SLC7A2: variants seen among roughly 807,000 people sequenced by gnomAD.
SLC7A2 encodes the protein solute carrier family 7 member 2.
SLC7A2 carries 48 observed loss-of-function variants against 58.9 expected under a neutral mutation model. The observed-to-expected ratio is 0.82, with a 90% CI of 0.65 to 1.04. The LOEUF is 1.04. SLC7A2 is among the 50% of genes least tolerant of loss of function. The pLI, the probability that SLC7A2 is intolerant of heterozygous loss-of-function variation, is 0.00. For synonymous variants in SLC7A2, 363 were observed against 314.5 expected (o/e 1.15, Z -1.63); for missense variants, 1,029 against 818.8 (o/e 1.26, Z -3.13).
intron 2 of SLC7A2, among the ~76,000 whole-genome samples, chr8:17,514,189 G>C (rs1003300270): frequency 3.9e-5 from 6 of 151,906 alleles, no homozygotes; most frequent in Non-Finnish European, 5.9e-5. Context: ...GTAAGTAACA[G>C]ACATGAATGA....
intron 2 of SLC7A2, among the ~76,000 whole-genome samples, chr8:17,530,885 A>G (rs1801424590): frequency 6.6e-6 from 1 of 152,170 alleles, no homozygotes; most frequent in South Asian, 2.1e-4. Context: ...AAGTAGATTC[A>G]AAGCCTTAAA....
At chr8:17,494,077 C>G (rs545201800), upstream of SLC7A2, among the ~76,000 whole-genome samples, 3 of 152,304 alleles carry the variant, frequency 2.0e-5, no homozygotes, top group East Asian at 1.9e-4. Flanking sequence ...GCATTAGTAT[C>G]CAGTATCCAA....
chr8:17,561,875 C>A, intron 10 of SLC7A2, 69 bp from the exon 11 acceptor site: 1 of 1,440,844 alleles, frequency 6.9e-7, no homozygotes, highest in Non-Finnish European at 9.6e-7. Context: ...TCAGAATATG[C>A]TGTTTTGCAC....
chr8:17,515,716 G>C (rs1348465777), intron 2 of SLC7A2, among the ~76,000 whole-genome samples: 1 of 152,058 alleles, frequency 6.6e-6, no homozygotes, highest in Non-Finnish European at 1.5e-5. Context: ...GAGAACCATG[G>C]GCTAAGCCTT....
intron 2 of SLC7A2, among the ~76,000 whole-genome samples, chr8:17,537,695 G>A (rs885642): frequency 0.13 from 20,271 of 152,116 alleles, 1,838 homozygotes; most frequent in Non-Finnish European, 0.2. Flanking sequence ...GCAGCTTGGG[G>A]AGAGGGAACA....
intron 5 of SLC7A2, 115 bp from the exon 6 acceptor site, chr8:17,550,186 A>T: frequency 1.1e-6 from 1 of 933,072 alleles, no homozygotes; most frequent in South Asian, 1.6e-5. Context: ...TATGTATATC[A>T]TCTTCAAAGA....
At chr8:17,517,705 G>C (rs1800857308) in intron 2 of SLC7A2, among the ~76,000 whole-genome samples, 1 of 152,004 alleles carries the variant, frequency 6.6e-6, no homozygotes, top group Admixed American at 6.6e-5. Context: ...AATAGTTCAT[G>C]AATTTGAAAA....
In SLC7A2 at chr8:17,562,106, T is replaced by C. The variant is rs1803030335; in HGVS notation, c.1667T>C (p.Phe556Ser). The C allele has an allele frequency of 1.9e-6, 3 of 1,611,544 alleles. No individual in the cohort carries two copies. Among genetic ancestry groups the C allele is most frequent in the Non-Finnish European group, 2.5e-6 (3 of 1,179,196 alleles). The change falls in exon 11 of 13, where the codon TTC becomes TCC. Residue 556 changes from phenylalanine to serine, a missense_variant. By Grantham distance (155) the Phe-to-Ser change is radical. Transcript: ENST00000494857. ...RQPQNQQKVA[F>S]MVPFLPFLPA... is the part of the protein sequence containing the mutation. ...CCCCAGAATCAGCAAAAAGTAGCCT[T>C]CATGGTATGTGTAATGAGGATTAGA... is the stretch of plus-strand genomic sequence containing the variant.
At chr8:17,559,701 G>A (rs1054971197) in intron 9 of SLC7A2, among the ~76,000 whole-genome samples, 1 of 152,222 alleles carries the variant, frequency 6.6e-6, no homozygotes, top group Non-Finnish European at 1.5e-5. Flanking sequence ...CACGGCACGT[G>A]GGGATTATGG....
chr8:17,535,094 C>G (rs2588233), intron 2 of SLC7A2, among the ~76,000 whole-genome samples: 1 of 151,918 alleles, frequency 6.6e-6, no homozygotes, highest in African/African-American at 2.4e-5. Context: ...TCAAATTCTA[C>G]GTCTGGCTTA....
At chr8:17,509,472 A>C (rs999311547) in intron 2 of SLC7A2, among the ~76,000 whole-genome samples, 4 of 151,878 alleles carry the variant, frequency 2.6e-5, no homozygotes, top group Admixed American at 6.6e-5. Context: ...CACCTGGCTA[A>C]TTTTTGTATT....
At chr8:17,510,309 T>C (rs1339158609) in intron 2 of SLC7A2, among the ~76,000 whole-genome samples, 4 of 151,996 alleles carry the variant, frequency 2.6e-5, no homozygotes. Context: ...AACGTCAAAA[T>C]TGCCTAACTG....
intron 2 of SLC7A2, chr8:17,538,801 C>G (rs376004641): frequency 1.9e-6 from 3 of 1,613,406 alleles, no homozygotes; most frequent in South Asian, 1.1e-5. Context: ...GAGCAGATGT[C>G]TCACCACGAA....
chr8:17,536,931 T>C (rs1801691480), intron 2 of SLC7A2, among the ~76,000 whole-genome samples: 1 of 152,194 alleles, frequency 6.6e-6, no homozygotes, highest in Non-Finnish European at 1.5e-5. Context: ...ACACCCAGCG[T>C]TAGAAGCGCA....
At chr8:17,561,301 A>G (rs1802970606) in intron 10 of SLC7A2, among the ~76,000 whole-genome samples, 2 of 152,168 alleles carry the variant, frequency 1.3e-5, no homozygotes, top group South Asian at 4.2e-4. Flanking sequence ...GGGAGGCCTC[A>G]CAGTCATGGT....
In SLC7A2 at chr8:17,558,388, T is replaced by A; in HGVS notation, c.1289T>A (p.Leu430His). Residue 430 changes from leucine (L) to histidine (H), a missense_variant, in exon 9 of 13, where the codon CTC becomes CAC. Coordinates refer to ENST00000494857, the MANE Select transcript of SLC7A2 (RefSeq NM_001370338.1). ...TACTCTCTGGTGGCAGCCTGTGTTC[T>A]CATCCTCAGGTGAGTCACCTGGTGG... is the stretch of plus-strand genomic sequence containing the variant. ...MAYSLVAACV[L>H]ILRYQPGLSY... The A allele has an allele frequency of 6.2e-7, 1 of 1,610,040 alleles. No individual in the cohort carries two copies. The highest frequency in any genetic ancestry group is 8.5e-7 in the Non-Finnish European group (1 of 1,176,744).
upstream of SLC7A2, among the ~76,000 whole-genome samples, chr8:17,495,599 G>T (rs1799937615): frequency 6.6e-6 from 1 of 152,140 alleles, no homozygotes; most frequent in Admixed American, 6.5e-5. Context: ...GCCCAGGCTG[G>T]ACTGTAGTGG....
chr8:17,520,211 A>T (rs1800959048), intron 2 of SLC7A2, among the ~76,000 whole-genome samples: 1 of 152,116 alleles, frequency 6.6e-6, no homozygotes, highest in Non-Finnish European at 1.5e-5. Context: ...AAAGGGAGAA[A>T]CTTTTTTATT....
Position 17,516,945 on chromosome 8 carries a change from G to T in SLC7A2, c.-23+14643G>T, listed in dbSNP as rs186841508. Among the ~76,000 whole-genome samples, 313 of 152,324 alleles carry T rather than the reference G, an allele frequency of 2.1e-3. 3 individuals carry two copies. The highest frequency in any genetic ancestry group is 0.014 in the Middle Eastern group (4 of 294). On this transcript the variant is annotated intron_variant, in intron 2 of 12. Coordinates refer to ENST00000494857, the MANE Select transcript of SLC7A2 (RefSeq NM_001370338.1). ...CATGCATGGTACACTGAGGGTTCAT[G>T]TTGTGGCTTAGTCCCTGTCCCCACA...
Sources: allele counts gnomAD v4.1 joint callset (sites outside exome capture counted in the v4.1 genomes callset), GRCh38; gene constraint gnomAD v4.1.1; transcripts MANE v1.5; gene names NCBI Gene and HGNC (gene_info 2026-07-23, HGNC 2026-07-21).